CFAP43: variants seen among roughly 807,000 people sequenced by gnomAD.
CFAP43 encodes the protein cilia and flagella associated protein 43, also known as cilia- and flagella-associated protein 43.
A neutral mutation model predicts 218.9 loss-of-function variants in CFAP43; 155 were observed. The observed-to-expected ratio is 0.71, with a 90% CI of 0.62 to 0.81. The LOEUF is 0.81. CFAP43 is among the 30% of genes least tolerant of loss of function. The pLI is 0.00. For synonymous variants in CFAP43, 645 were observed against 681.3 expected (o/e 0.95, Z 0.83); for missense variants, 1,778 against 1,954.3 (o/e 0.91, Z 1.70).
At chr10:104,140,482 G>A (rs2087654919) in intron 34 of CFAP43, among the ~76,000 whole-genome samples, 1 of 152,178 alleles carries the variant, frequency 6.6e-6, no homozygotes, top group African/African-American at 2.4e-5. Context: ...AAAATATTTG[G>A]TACAGCAGGC....
intron 19 of CFAP43, among the ~76,000 whole-genome samples, chr10:104,178,067 C>T (rs192129758): frequency 6.4e-4 from 98 of 152,304 alleles, no homozygotes; most frequent in African/African-American, 2.2e-3. Context: ...CATGGCACAA[C>T]ACAGCAGTCC....
chr10:104,229,390 C>T (rs1239475583), intron 2 of CFAP43, among the ~76,000 whole-genome samples: 3 of 151,856 alleles, frequency 2.0e-5, no homozygotes, highest in South Asian at 2.1e-4. Context: ...CAGTGGCTCA[C>T]GCCTGTAATC....
intron 3 of CFAP43, among the ~76,000 whole-genome samples, chr10:104,222,190 TTAC>T (rs1225578295): frequency 2.6e-5 from 4 of 152,148 alleles, no homozygotes; most frequent in African/African-American, 9.7e-5. Flanking sequence ...TTTTGAACTT[TTAC>T]TAAATTATTT....
Position 104,232,208 on chromosome 10 carries a change from G to A in CFAP43, c.39C>T (p.Ser13=). ...TCACGGACAAGGACGCGCCGCCGGCGGAGTGGGGGCCTTCGTCGCGCTCCC... is the reference window on the plus strand; with the variant it reads ...TCACGGACAAGGACGCGCCGCCGGCAGAGTGGGGGCCTTCGTCGCGCTCCC... ...QGRERDEGPH[S]AGGASLSVRW... The change falls in exon 1 of 38, where the codon TCC becomes TCT. Residue 13 remains serine, a synonymous_variant. Coordinates refer to ENST00000357060, the MANE Select transcript of CFAP43 (RefSeq NM_025145.7). The A allele has an allele frequency of 6.2e-7, 1 of 1,609,532 alleles. No individual in the cohort carries two copies. The highest frequency in any genetic ancestry group is 8.5e-7 in the Non-Finnish European group (1 of 1,178,624).
intron 27 of CFAP43, among the ~76,000 whole-genome samples, chr10:104,157,799 A>AAT: frequency 6.9e-6 from 1 of 145,226 alleles, no homozygotes; most frequent in African/African-American, 2.5e-5. Context: ...AGAGAGAGAG[A>AAT]GAGAGAGAGA....
intron 23 of CFAP43, among the ~76,000 whole-genome samples, chr10:104,164,541 G>T (rs2089053401): frequency 6.6e-6 from 1 of 152,070 alleles, no homozygotes; most frequent in Non-Finnish European, 1.5e-5. Flanking sequence ...GGGACTACAG[G>T]TGCCCGCTAC....
At chr10:104,145,620 G>T in intron 30 of CFAP43, 56 bp from the exon 31 acceptor site, 1 of 1,188,346 alleles carries the variant, frequency 8.4e-7, no homozygotes. Context: ...CCTTTTATTT[G>T]TTGACAATAC....
At chr10:104,135,050 C>A (rs2087373950) in intron 34 of CFAP43, among the ~76,000 whole-genome samples, 2 of 152,008 alleles carry the variant, frequency 1.3e-5, no homozygotes, top group African/African-American at 4.8e-5. Context: ...TGTCATTTAT[C>A]CTAAGATTGC....
chr10:104,152,954 T>G (rs2088347561), intron 27 of CFAP43, among the ~76,000 whole-genome samples: 1 of 152,090 alleles, frequency 6.6e-6, no homozygotes, highest in African/African-American at 2.4e-5. Context: ...AAACTTAAAA[T>G]TACTGATCAT....
At chr10:104,169,466 C>T (rs764944498) in intron 20 of CFAP43, among the ~76,000 whole-genome samples, 1 of 152,076 alleles carries the variant, frequency 6.6e-6, no homozygotes, top group African/African-American at 2.4e-5. Context: ...AAACATGTTA[C>T]TTCAATTAGT....
chr10:104,203,870 G>A, intron 7 of CFAP43, 67 bp from the exon 8 acceptor site: 1 of 1,408,240 alleles, frequency 7.1e-7, no homozygotes, highest in Non-Finnish European at 9.4e-7. Flanking sequence ...TGCCTCATCA[G>A]ACAAGCTAAG....
At chr10:104,194,246 TAGAG>T (rs1045066581) in intron 10 of CFAP43, among the ~76,000 whole-genome samples, 2 of 152,096 alleles carry the variant, frequency 1.3e-5, no homozygotes, top group African/African-American at 4.8e-5. Flanking sequence ...TAATAAAAAT[TAGAG>T]AGAGATTTCT....
At chr10:104,223,123 C>T (rs183685417) in intron 3 of CFAP43, among the ~76,000 whole-genome samples, 45 of 152,332 alleles carry the variant, frequency 3.0e-4, no homozygotes, top group Non-Finnish European at 5.9e-4. Flanking sequence ...TATGGGCCAT[C>T]GTTTACCAAC....
At chr10:104,205,885 C>G (rs2090672611) in intron 7 of CFAP43, 78 bp downstream of exon 7, 1 of 1,210,776 alleles carries the variant, frequency 8.3e-7, no homozygotes, top group South Asian at 1.3e-5. Flanking sequence ...TAAAATATGG[C>G]TCATAATAGT....
intron 20 of CFAP43, among the ~76,000 whole-genome samples, chr10:104,169,726 G>T (rs1200898093): frequency 6.6e-6 from 1 of 151,738 alleles, no homozygotes; most frequent in Admixed American, 6.6e-5. Context: ...TTTATTGTCT[G>T]ATTAAATGAC....
At chr10:104,199,359 T>TA (rs536101545) in intron 8 of CFAP43, among the ~76,000 whole-genome samples, 2 of 152,036 alleles carry the variant, frequency 1.3e-5, no homozygotes, top group African/African-American at 4.8e-5. Flanking sequence ...GTTATTTATC[T>TA]AAAAAAAATG....
chr10:104,163,155 G>A (rs921706492), intron 24 of CFAP43, among the ~76,000 whole-genome samples: 6 of 152,134 alleles, frequency 3.9e-5, no homozygotes, highest in Non-Finnish European at 7.4e-5. Context: ...TGATGGTTTG[G>A]GTCCAAAGCC....
chr10:104,164,454 G>A (rs2089047687), intron 23 of CFAP43, among the ~76,000 whole-genome samples, 154 bp from the exon 24 acceptor site: 1 of 149,750 alleles, frequency 6.7e-6, no homozygotes. Context: ...CTGGAGTGCA[G>A]TGGCATGATC....
intron 16 of CFAP43, 67 bp from the exon 17 acceptor site, chr10:104,182,580 T>C (rs1179589763): frequency 7.2e-7 from 1 of 1,395,222 alleles, no homozygotes; most frequent in Non-Finnish European, 9.4e-7. Context: ...CATTTAGCTG[T>C]ATTATTTTCA....
Sources: allele counts gnomAD v4.1 joint callset (sites outside exome capture counted in the v4.1 genomes callset), GRCh38; gene constraint gnomAD v4.1.1; transcripts MANE v1.5; gene names NCBI Gene and HGNC (gene_info 2026-07-23, HGNC 2026-07-21).